The following CTDSPL2 variants were observed in gnomAD, a reference collection of about 807,000 sequenced individuals.
The protein encoded by CTDSPL2 is CTD small phosphatase-like protein 2.
A neutral mutation model predicts 60.0 loss-of-function variants in CTDSPL2; 5 were observed. That is an observed-to-expected ratio of 0.08 (90% confidence interval 0.04 to 0.18). CTDSPL2 has a LOEUF of 0.18. Ranked by LOEUF, CTDSPL2 falls within the 10% of genes least tolerant of loss-of-function variation. The pLI is 1.00. For synonymous variants in CTDSPL2, 186 were observed against 189.3 expected (o/e 0.98, Z 0.14); for missense variants, 370 against 548.8 (o/e 0.67, Z 3.26).
At chr15:44,505,993 T>G (rs1231126469) in intron 8 of CTDSPL2, among the ~76,000 whole-genome samples, 3 of 151,792 alleles carry the variant, frequency 2.0e-5, no homozygotes, top group Non-Finnish European at 4.4e-5. Context: ...ATGGCCAATT[T>G]TTCCCTGATG....
chr15:44,431,716 GTT>G (rs886785067), intron 1 of CTDSPL2, among the ~76,000 whole-genome samples: 3,990 of 133,608 alleles, frequency 0.03, 200 homozygotes, highest in African/African-American at 0.11. Flanking sequence ...TTGTTTGTTT[GTT>G]TTTTTTTTTT....
intron 1 of CTDSPL2, among the ~76,000 whole-genome samples, chr15:44,429,875 GAATGT>G (rs901513335): frequency 1.3e-5 from 2 of 152,104 alleles, no homozygotes; most frequent in African/African-American, 4.8e-5. Context: ...CAAAAAAAAA[GAATGT>G]AAAAGCTATA....
intron 2 of CTDSPL2, among the ~76,000 whole-genome samples, chr15:44,463,964 A>T (rs1165115092): frequency 6.6e-6 from 1 of 152,204 alleles, no homozygotes; most frequent in African/African-American, 2.4e-5. Flanking sequence ...TTATAATAAT[A>T]ACCTACCCAG....
intron 1 of CTDSPL2, among the ~76,000 whole-genome samples, chr15:44,433,461 C>A (rs200799997): frequency 3.6e-5 from 1 of 27,914 alleles, no homozygotes; most frequent in South Asian, 8.1e-4. Context: ...CATATATATA[C>A]ACACACACAC....
At chr15:44,494,475 G>T (rs2081264545) in intron 5 of CTDSPL2, among the ~76,000 whole-genome samples, 1 of 151,970 alleles carries the variant, frequency 6.6e-6, no homozygotes. Flanking sequence ...TAATCCAGGT[G>T]TGGTGGTACA....
chr15:44,504,864 T>C (rs1390803605), intron 8 of CTDSPL2, among the ~76,000 whole-genome samples: 1 of 152,190 alleles, frequency 6.6e-6, no homozygotes, highest in Admixed American at 6.5e-5. Context: ...ACTAATATTT[T>C]AGCTTGTAGG....
chr15:44,457,154 G>C (rs2080464668), intron 1 of CTDSPL2, among the ~76,000 whole-genome samples: 1 of 152,202 alleles, frequency 6.6e-6, no homozygotes, highest in Non-Finnish European at 1.5e-5. Context: ...TGGGATTACA[G>C]GCGTGAGCCA....
At chr15:44,454,139 G>T (rs1292408964) in intron 1 of CTDSPL2, among the ~76,000 whole-genome samples, 1 of 152,148 alleles carries the variant, frequency 6.6e-6, no homozygotes, top group Non-Finnish European at 1.5e-5. Context: ...TGAGATGGTG[G>T]TATCCCATTG....
chr15:44,515,808 G>A (rs2081640695), intron 10 of CTDSPL2, among the ~76,000 whole-genome samples: 1 of 152,096 alleles, frequency 6.6e-6, no homozygotes. Flanking sequence ...GGAAGGCGGA[G>A]GTTATGGTGA....
At chr15:44,502,380 C>T (rs2081394996) in intron 8 of CTDSPL2, among the ~76,000 whole-genome samples, 1 of 151,786 alleles carries the variant, frequency 6.6e-6, no homozygotes, top group African/African-American at 2.4e-5. Context: ...TGACCTATAA[C>T]TAATTTTAAC....
At chr15:44,433,137 A>C (rs1333451103) in intron 1 of CTDSPL2, among the ~76,000 whole-genome samples, 1 of 151,560 alleles carries the variant, frequency 6.6e-6, no homozygotes, top group Non-Finnish European at 1.5e-5. Context: ...CAACATGGCG[A>C]AACCCTGTCT....
chr15:44,509,395 G>A lies in CTDSPL2; in HGVS notation c.970-5203G>A, dbSNP rs577228418. Among the ~76,000 whole-genome samples, 24 of 151,820 alleles carry A rather than the reference G, an allele frequency of 1.6e-4. No individual in the cohort carries two copies. In the South Asian group the frequency reaches 5.0e-3, roughly 32 times the overall value. On this transcript the variant is annotated intron_variant, in intron 8 of 12. Coordinates refer to ENST00000260327, the MANE Select transcript of CTDSPL2 (RefSeq NM_016396.3). Reference sequence around the variant, plus strand: ...AATTTTTTGCATTTTTAGTAGAGACGGGGTTTCCACCATGTTGGCCAGGCT... The same window carrying A: ...AATTTTTTGCATTTTTAGTAGAGACAGGGTTTCCACCATGTTGGCCAGGCT...
chr15:44,443,457 A>G (rs2080134121), intron 1 of CTDSPL2, among the ~76,000 whole-genome samples: 1 of 152,094 alleles, frequency 6.6e-6, no homozygotes, highest in African/African-American at 2.4e-5. Context: ...TCTATATTTA[A>G]TTTTTTTGAG....
chr15:44,490,030 T>C (rs1219949915), intron 4 of CTDSPL2, among the ~76,000 whole-genome samples: 1 of 152,176 alleles, frequency 6.6e-6, no homozygotes, highest in Non-Finnish European at 1.5e-5. Flanking sequence ...AGAAGGAATG[T>C]TCTGTAAGGA....
chr15:44,465,896 G>A (rs1485616220), intron 2 of CTDSPL2, among the ~76,000 whole-genome samples: 1 of 148,468 alleles, frequency 6.7e-6, no homozygotes, highest in Non-Finnish European at 1.5e-5. Context: ...TGTATTTTTA[G>A]TAGAGACAGG....
chr15:44,510,553 T>G (rs969396304), intron 8 of CTDSPL2, among the ~76,000 whole-genome samples: 1 of 152,196 alleles, frequency 6.6e-6, no homozygotes, highest in Non-Finnish European at 1.5e-5. Context: ...ACATGTATAC[T>G]AGACTGAAAT....
intron 8 of CTDSPL2, 58 bp from the exon 9 acceptor site, chr15:44,514,540 A>C: frequency 3.0e-6 from 3 of 1,015,416 alleles, no homozygotes; most frequent in Non-Finnish European, 4.7e-6. Flanking sequence ...ACATCTTAAA[A>C]AGAAGTGGTT....
chr15:44,525,736 T>C lies in CTDSPL2; in HGVS notation c.*1562T>C, dbSNP rs548587442. The C allele has an allele frequency of 5.6e-6, 2 of 355,114 alleles. No homozygotes were observed. Among genetic ancestry groups the C allele is most frequent in the East Asian group, 4.1e-5 (1 of 24,106 alleles). The allele number at this position is 355,114 out of a possible 1,614,324, so 22.0% of individuals were successfully genotyped here. A position where few individuals can be genotyped will look rare whatever the true frequency, so the allele number is the denominator to read the frequency against. ...TGAATCCTTAAAATAAGGAAATCTTTTTAGGAAAACATTTAATTTTTGTAT... is the reference window on the plus strand; with the variant it reads ...TGAATCCTTAAAATAAGGAAATCTTCTTAGGAAAACATTTAATTTTTGTAT... On this transcript the variant is annotated 3_prime_UTR_variant, in exon 13 of 13. Transcript: ENST00000260327.
At chr15:44,518,498 A>G (rs1595782093) in intron 10 of CTDSPL2, among the ~76,000 whole-genome samples, 3 of 152,238 alleles carry the variant, frequency 2.0e-5, no homozygotes, top group Admixed American at 1.3e-4. Context: ...GATCATACAC[A>G]TATACTAAAA....
Sources: allele counts gnomAD v4.1 joint callset (sites outside exome capture counted in the v4.1 genomes callset), GRCh38; gene constraint gnomAD v4.1.1; transcripts MANE v1.5; gene names NCBI Gene and HGNC (gene_info 2026-07-23, HGNC 2026-07-21).